KCNH1: variants seen among roughly 807,000 people sequenced by gnomAD.
KCNH1 encodes voltage-gated delayed rectifier potassium channel KCNH1.
In KCNH1, 27 loss-of-function variants were observed where a neutral mutation model predicts 69.2. The observed-to-expected ratio is 0.39, with a 90% CI of 0.29 to 0.54. KCNH1 has a LOEUF of 0.54. Among genes scored for constraint, KCNH1 ranks in the 20% least tolerant of loss-of-function variants. The pLI is 0.68. For synonymous variants in KCNH1, 456 were observed against 487.7 expected (o/e 0.93, Z 0.86); for missense variants, 798 against 1,261.6 (o/e 0.63, Z 5.57).
At chr1:210,993,812 G>A (rs528344014) in intron 6 of KCNH1, among the ~76,000 whole-genome samples, 1 of 152,126 alleles carries the variant, frequency 6.6e-6, no homozygotes, top group East Asian at 1.9e-4. Flanking sequence ...AAGTAACTCT[G>A]GGATCTCAAG....
At chr1:211,107,132 A>G in intron 2 of KCNH1, 122 bp downstream of exon 2, 2 of 1,075,782 alleles carry the variant, frequency 1.9e-6, no homozygotes, top group Non-Finnish European at 2.8e-6. Context: ...ATATGGCAAT[A>G]AATTTTCCTG....
At chr1:211,020,029 T>C (rs1422559266) in intron 5 of KCNH1, among the ~76,000 whole-genome samples, 2 of 151,770 alleles carry the variant, frequency 1.3e-5, no homozygotes, top group East Asian at 3.9e-4. Context: ...ATTACAGCAA[T>C]AAATGCCTAC....
intron 5 of KCNH1, among the ~76,000 whole-genome samples, chr1:211,039,876 TG>T (rs1180717999): frequency 6.6e-6 from 1 of 152,048 alleles, no homozygotes; most frequent in Admixed American, 6.6e-5. Flanking sequence ...TGTAGACTTT[TG>T]GGTTAATGCT....
chr1:210,899,089 A>G (rs1201798440), intron 7 of KCNH1, among the ~76,000 whole-genome samples: 1 of 152,176 alleles, frequency 6.6e-6, no homozygotes, highest in Non-Finnish European at 1.5e-5. Context: ...AGCAATTCCC[A>G]AAGTGTGACC....
chr1:210,773,030 C>G (rs1412241405), intron 10 of KCNH1, among the ~76,000 whole-genome samples: 1 of 152,146 alleles, frequency 6.6e-6, no homozygotes, highest in Non-Finnish European at 1.5e-5. Context: ...GATTACTCCT[C>G]CAAATAACCC....
At chr1:210,710,704 G>T (rs1258110564) in intron 10 of KCNH1, among the ~76,000 whole-genome samples, 1 of 152,126 alleles carries the variant, frequency 6.6e-6, no homozygotes, top group Non-Finnish European at 1.5e-5. Context: ...GGTGTGGCAG[G>T]CATGGGAGTC....
intron 7 of KCNH1, among the ~76,000 whole-genome samples, chr1:210,815,993 A>G (rs1394010772): frequency 6.6e-6 from 1 of 152,190 alleles, no homozygotes; most frequent in Non-Finnish European, 1.5e-5. Flanking sequence ...CCTCTAAGCC[A>G]GCTTTGGAAA....
At chr1:210,780,971 C>T (rs896803891) in intron 9 of KCNH1, among the ~76,000 whole-genome samples, 5 of 152,142 alleles carry the variant, frequency 3.3e-5, no homozygotes, top group South Asian at 4.2e-4. Flanking sequence ...GGCGTGAACC[C>T]GGGAGATGGA....
intron 10 of KCNH1, among the ~76,000 whole-genome samples, chr1:210,772,204 G>A (rs1683765046): frequency 6.6e-6 from 1 of 152,126 alleles, no homozygotes; most frequent in Non-Finnish European, 1.5e-5. Context: ...GAGATTGAAC[G>A]GTTACCAAGT....
rs115236835 is a variant in KCNH1 at position 210,692,760 on chromosome 1, G to A, written c.2113-8622C>T. Reference sequence around the variant, plus strand: ...AAGCCAAGGAATGCCAAGGATTGCCGACAGCAACCAGAAGCTAAGACAGGC... The same window carrying A: ...AAGCCAAGGAATGCCAAGGATTGCCAACAGCAACCAGAAGCTAAGACAGGC... On this transcript the variant is annotated intron_variant, in intron 10 of 10. Coordinates refer to ENST00000271751, the MANE Select transcript of KCNH1 (RefSeq NM_172362.3). Among the ~76,000 whole-genome samples the A allele has an allele frequency of 2.9e-3, 445 of 152,268 alleles. 3 individuals carry two copies. Among genetic ancestry groups the A allele is most frequent in the African/African-American group, 9.6e-3 (399 of 41,546 alleles).
chr1:210,757,620 A>G (rs1411319680), intron 10 of KCNH1, among the ~76,000 whole-genome samples: 1 of 152,224 alleles, frequency 6.6e-6, no homozygotes, highest in Non-Finnish European at 1.5e-5. Context: ...CTGGCCTCTC[A>G]TGATGAACAG....
chr1:210,881,099 C>T (rs373191791), intron 7 of KCNH1, among the ~76,000 whole-genome samples: 1 of 151,644 alleles, frequency 6.6e-6, no homozygotes, highest in Non-Finnish European at 1.5e-5. Flanking sequence ...CTCACTGCAA[C>T]CTCTGCCTCC....
intron 10 of KCNH1, among the ~76,000 whole-genome samples, chr1:210,756,351 A>C (rs976803472): frequency 1.3e-5 from 2 of 152,206 alleles, no homozygotes; most frequent in Non-Finnish European, 2.9e-5. Context: ...TTTAGATGCT[A>C]TAACACAAAC....
intron 7 of KCNH1, among the ~76,000 whole-genome samples, chr1:210,815,631 T>C (rs1253561488): frequency 6.6e-6 from 1 of 152,204 alleles, no homozygotes; most frequent in African/African-American, 2.4e-5. Context: ...CTAGTTCACC[T>C]AACTCCTGAA....
chr1:210,822,397 G>T (rs1684947864), intron 7 of KCNH1, among the ~76,000 whole-genome samples: 1 of 152,102 alleles, frequency 6.6e-6, no homozygotes. Flanking sequence ...ATTTGCCCAT[G>T]AAACCATTTT....
chr1:210,795,219 G>A (rs1477926220), intron 9 of KCNH1, among the ~76,000 whole-genome samples: 2 of 152,080 alleles, frequency 1.3e-5, no homozygotes, highest in Admixed American at 6.6e-5. Flanking sequence ...GTGCAGTGAT[G>A]TGATCACGTC....
chr1:210,977,381 C>A (rs917159305), intron 6 of KCNH1, among the ~76,000 whole-genome samples: 1 of 151,944 alleles, frequency 6.6e-6, no homozygotes, highest in Non-Finnish European at 1.5e-5. Flanking sequence ...CAACATGGCA[C>A]ATGTATACAT....
chr1:210,788,257 T>C (rs1314750740), intron 9 of KCNH1, among the ~76,000 whole-genome samples: 1 of 152,250 alleles, frequency 6.6e-6, no homozygotes, highest in Non-Finnish European at 1.5e-5. Flanking sequence ...CATTTTGGTA[T>C]ACTTTCCATC....
At chr1:210,793,423 G>A (rs908587291) in intron 9 of KCNH1, among the ~76,000 whole-genome samples, 3 of 152,162 alleles carry the variant, frequency 2.0e-5, no homozygotes, top group Admixed American at 6.5e-5. Context: ...AACTGTGTGT[G>A]CACTTGTATA....
Sources: gnomAD v4.1 joint callset for allele counts (sites outside exome capture counted in the v4.1 genomes callset) on GRCh38, gnomAD v4.1.1 for gene constraint, MANE v1.5 for transcripts, NCBI Gene and HGNC (gene_info 2026-07-23, HGNC 2026-07-21) for gene names.